MLLT10: variants seen among roughly 807,000 people sequenced by gnomAD.
The protein encoded by MLLT10 is protein AF-10.
A neutral mutation model predicts 129.1 loss-of-function variants in MLLT10; 30 were observed. That is an observed-to-expected ratio of 0.23 (90% confidence interval 0.17 to 0.32). MLLT10 has a LOEUF of 0.32. Among genes scored for constraint, MLLT10 ranks in the 10% least tolerant of loss-of-function variants. The pLI, the probability that MLLT10 is intolerant of heterozygous loss-of-function variation, is 1.00. For synonymous variants in MLLT10, 490 were observed against 446.4 expected, an observed-to-expected ratio of 1.10 and a Z score of -1.23; for missense variants, 1,119 against 1,268.3, an observed-to-expected ratio of 0.88 and a Z score of 1.79.
intron 5 of MLLT10, among the ~76,000 whole-genome samples, chr10:21,599,718 C>G (rs1444904625): frequency 6.6e-6 from 1 of 152,108 alleles, no homozygotes; most frequent in Non-Finnish European, 1.5e-5. Flanking sequence ...GCACACCCAT[C>G]ACACCCGGCT....
rs148096521 is a variant in MLLT10, at chr10:21,661,879, T to C, written c.796-8570T>C. On this transcript the variant is annotated intron_variant, in intron 9 of 22. Coordinates refer to ENST00000307729, the MANE Select transcript of MLLT10 (RefSeq NM_001195626.3). Reference sequence around the variant, plus strand: ...TTTAGACCATTGCCATTTAAGGTGATTATTGATATAATTGGGTTAATATCT... The same window carrying C: ...TTTAGACCATTGCCATTTAAGGTGACTATTGATATAATTGGGTTAATATCT... 10 of 152,346 alleles carry C rather than the reference T, an allele frequency of 6.6e-5. No homozygotes were observed. In the East Asian group the frequency reaches 1.9e-3, roughly 29 times the overall value. 9.4% of individuals were successfully genotyped at this position (152,346 alleles called of 1,614,324 possible).
In MLLT10 at chr10:21,742,009, C is replaced by G. The variant is rs775730413; in HGVS notation, c.*26C>G. On this transcript the variant is annotated 3_prime_UTR_variant, in exon 23 of 23. Transcript: ENST00000307729. ...CACCTGAGAAACATCTAGAAATTGC[C>G]TATCCTGCTGTTCTAGCACTTCATC... 2 of 1,610,062 alleles carry G rather than the reference C, an allele frequency of 1.2e-6. No individual in the cohort carries two copies. The highest frequency in any genetic ancestry group is 4.5e-5 in the East Asian group (2 of 44,824).
chr10:21,550,176 C>CT (rs1449268027), intron 3 of MLLT10, among the ~76,000 whole-genome samples: 1 of 152,182 alleles, frequency 6.6e-6, no homozygotes, highest in African/African-American at 2.4e-5. Flanking sequence ...AGGCCAGTCT[C>CT]TAAGTTTGTT....
At position 21,647,686 on chromosome 10, in the gene MLLT10, C is replaced by G. The variant is rs527713012; in HGVS notation, c.700-3987C>G. On this transcript the variant is annotated intron_variant, in intron 8 of 22. Transcript: ENST00000307729. ...GCATGTTTCTGTTGCTGTTTACTGG[C>G]TCTTTTTTTTTGCGGGGGGCGGGGG... is the stretch of plus-strand genomic sequence containing the variant. Among the ~76,000 whole-genome samples, 2 of 149,266 alleles carry G rather than the reference C, an allele frequency of 1.3e-5. 1 individual carries two copies. Among genetic ancestry groups the G allele is most frequent in the South Asian group, 4.2e-4 (2 of 4,716 alleles).
At chr10:21,621,158 T>C (rs2045797142) in intron 8 of MLLT10, among the ~76,000 whole-genome samples, 1 of 139,568 alleles carries the variant, frequency 7.2e-6, no homozygotes, top group Non-Finnish European at 1.6e-5. Context: ...TAATTTTTTG[T>C]ATTTTTTTTT....
intron 11 of MLLT10, 92 bp from the exon 12 acceptor site, chr10:21,681,240 A>C: frequency 3.3e-5 from 47 of 1,431,694 alleles, no homozygotes; most frequent in Middle Eastern, 1.8e-4. Context: ...CTTTTAGGTG[A>C]ATTTCCCTCC....
At chr10:21,698,423 G>A (rs2054575872) in intron 13 of MLLT10, among the ~76,000 whole-genome samples, 1 of 152,122 alleles carries the variant, frequency 6.6e-6, no homozygotes, top group South Asian at 2.1e-4. Flanking sequence ...TGGCCAAATA[G>A]TATTCCACTG....
chr10:21,623,363 G>T (rs573515963), intron 8 of MLLT10, among the ~76,000 whole-genome samples: 5 of 152,176 alleles, frequency 3.3e-5, no homozygotes, highest in Non-Finnish European at 7.3e-5. Context: ...AAGTATGGTT[G>T]AAAGGGGCTT....
Position 21,534,407 on chromosome 10 carries a change from C to A in MLLT10, c.-114C>A. On this transcript the variant is annotated 5_prime_UTR_variant, in exon 1 of 23. Coordinates refer to ENST00000307729, the MANE Select transcript of MLLT10 (RefSeq NM_001195626.3). ...GCCGGGTGGAGGTGGGGAGGGAAGA[C>A]GCTGAGGAGGAGGAGGAGGCGGAGG... 2.2e-6 allele frequency: 1 copy of A among 446,428 alleles called. No homozygotes were observed. The highest frequency in any genetic ancestry group is 4.0e-6 in the Non-Finnish European group (1 of 249,746). The allele number at this position is 446,428 out of a possible 1,614,324, so 27.7% of individuals were successfully genotyped here. A position where few individuals can be genotyped will look rare whatever the true frequency, so the allele number is the denominator to read the frequency against.
intron 8 of MLLT10, among the ~76,000 whole-genome samples, chr10:21,638,519 G>C (rs1330974552): frequency 6.6e-6 from 1 of 151,970 alleles, no homozygotes; most frequent in Admixed American, 6.6e-5. Context: ...TAGTGATCTG[G>C]GTGCCTGTAT....
intron 8 of MLLT10, among the ~76,000 whole-genome samples, chr10:21,631,115 C>G (rs2046959044): frequency 6.6e-6 from 1 of 151,854 alleles, no homozygotes; most frequent in Non-Finnish European, 1.5e-5. Context: ...TCGAGACCAT[C>G]CTGGCTAACA....
intron 3 of MLLT10, among the ~76,000 whole-genome samples, chr10:21,543,567 C>T (rs770451492): frequency 5.3e-5 from 8 of 152,126 alleles, no homozygotes; most frequent in Non-Finnish European, 8.8e-5. Context: ...CAACCTCCGC[C>T]TCCCGGGTTC....
At chr10:21,697,083 T>C (rs2054435634) in intron 13 of MLLT10, among the ~76,000 whole-genome samples, 1 of 138,822 alleles carries the variant, frequency 7.2e-6, no homozygotes, top group African/African-American at 2.8e-5. Flanking sequence ...CAGAAGTGAA[T>C]TCTGTCTGAT....
intron 9 of MLLT10, among the ~76,000 whole-genome samples, chr10:21,667,501 GGTT>G (rs1405786125): frequency 8.6e-5 from 13 of 150,306 alleles, no homozygotes; most frequent in African/African-American, 3.2e-4. Context: ...GGCTACTTAA[GGTT>G]GTTCTACAGC....
rs531936331 is a variant in MLLT10, at chr10:21,629,463, T to C, written c.699+12256T>C. Among the ~76,000 whole-genome samples the C allele has an allele frequency of 9.9e-5, 15 of 152,256 alleles. No individual in the cohort carries two copies. The East Asian group carries it at 1.4e-3, about 14-fold the overall frequency. The stretch of plus-strand genomic sequence containing the variant: ...AGGCACTGCACAGGTACAAAGATCA[T>C]TGGGGGCATGGAGGCTTTCTACCAC... On this transcript the variant is annotated intron_variant, in intron 8 of 22. Coordinates refer to ENST00000307729, the MANE Select transcript of MLLT10 (RefSeq NM_001195626.3).
At chr10:21,637,233 A>G (rs1216168094) in intron 8 of MLLT10, among the ~76,000 whole-genome samples, 2 of 152,224 alleles carry the variant, frequency 1.3e-5, no homozygotes, top group Non-Finnish European at 2.9e-5. Flanking sequence ...AATGTGCTTC[A>G]GCTTCCTACC....
chr10:21,681,482 G>A (rs1288205590), intron 12 of MLLT10, 106 bp downstream of exon 12: 3 of 746,736 alleles, frequency 4.0e-6, no homozygotes, highest in South Asian at 1.8e-5. Flanking sequence ...ATTCCAAAAT[G>A]CAAGTTTTTC....
chr10:21,669,999 A>G (rs1393504643), intron 9 of MLLT10, among the ~76,000 whole-genome samples: 1 of 152,010 alleles, frequency 6.6e-6, no homozygotes, highest in Non-Finnish European at 1.5e-5. Context: ...TTATAAACTC[A>G]TGGATATGGT....
chr10:21,590,172 A>G (rs1226674454), intron 4 of MLLT10, among the ~76,000 whole-genome samples: 1 of 151,920 alleles, frequency 6.6e-6, no homozygotes, highest in African/African-American at 2.4e-5. Context: ...AACATCTGGG[A>G]TCAAGCTATC....
Sources: allele counts gnomAD v4.1 joint callset (sites outside exome capture counted in the v4.1 genomes callset), GRCh38; gene constraint gnomAD v4.1.1; transcripts MANE v1.5; gene names NCBI Gene and HGNC (gene_info 2026-07-23, HGNC 2026-07-21).